The following TMBIM4 variants were observed in gnomAD, a reference collection of about 807,000 sequenced individuals.
The protein encoded by TMBIM4 is transmembrane BAX inhibitor motif containing 4, also known as protein lifeguard 4.
TMBIM4 carries 28 observed loss-of-function variants against 27.7 expected under a neutral mutation model. The observed-to-expected ratio is 1.01, with a 90% confidence interval of 0.75 to 1.38. The LOEUF (loss-of-function observed/expected upper bound fraction) is 1.38, where lower values mean the gene tolerates loss of function less well. TMBIM4 is among the 40% of genes most tolerant of loss of function. The pLI is 0.00. For missense variants in TMBIM4, 265 were observed against 277.5 expected, an observed-to-expected ratio of 0.95 and a Z score of 0.32; for synonymous variants, 115 against 113.1, an observed-to-expected ratio of 1.02 and a Z score of -0.11.
At chr12:66,155,335 TGAGA>T (rs71697123) in intron 1 of TMBIM4, among the ~76,000 whole-genome samples, 10,260 of 131,636 alleles carry the variant, frequency 0.078, 1,058 homozygotes, top group African/African-American at 0.23. Flanking sequence ...TGCACACGTG[TGAGA>T]GAGAGAGAGA....
chr12:66,136,889 C>T lies in TMBIM4; in HGVS notation c.*1071G>A, dbSNP rs181698637. 4.6e-5 allele frequency: 7 copies of T among 152,342 alleles called. No individual in the cohort carries two copies. Among genetic ancestry groups the T allele is most frequent in the African/African-American group, 1.7e-4 (7 of 41,578 alleles). The allele number at this position is 152,342 out of a possible 1,614,324, so 9.4% of individuals were successfully genotyped here. A position where few individuals can be genotyped will look rare whatever the true frequency, so the allele number is the denominator to read the frequency against. ...CAAAATTTCATTGGTTACTGGTACA[C>T]TGACCTAACATGCTGTGTGGACCAA... On this transcript the variant is annotated 3_prime_UTR_variant, in exon 7 of 7. Transcript: ENST00000358230.
chr12:66,157,372 A>G (rs1047064389), intron 1 of TMBIM4, among the ~76,000 whole-genome samples: 1 of 152,170 alleles, frequency 6.6e-6, no homozygotes, highest in African/African-American at 2.4e-5. Flanking sequence ...CTTCACCCCC[A>G]GTCAAGCCTC....
chr12:66,166,215 G>C (rs142587389), intron 1 of TMBIM4, among the ~76,000 whole-genome samples: 1 of 152,002 alleles, frequency 6.6e-6, no homozygotes, highest in African/African-American at 2.4e-5. Context: ...CTGTAATCCC[G>C]GCACTTTCGG....
At chr12:66,162,149 A>C (rs1031760559) in intron 1 of TMBIM4, among the ~76,000 whole-genome samples, 1 of 151,980 alleles carries the variant, frequency 6.6e-6, no homozygotes, top group Non-Finnish European at 1.5e-5. Context: ...CTCATCACAA[A>C]TTCTGTCTCC....
In TMBIM4 at chr12:66,169,860, C is replaced by T; in HGVS notation, c.92G>A (p.Arg31Gln). 4 of 1,512,196 alleles carry T rather than the reference C, an allele frequency of 2.6e-6. No homozygotes were observed. The highest frequency in any genetic ancestry group is 3.5e-6 in the Non-Finnish European group (4 of 1,130,252). The allele number at this position is 1,512,196 out of a possible 1,614,324, so 93.7% of individuals were successfully genotyped here. Reference sequence around the variant, plus strand: ...CTGGAGAGGGGACAACGTACCCATTCGGATGTGCACGGTGGCGGAGGCCAC... The same window carrying T: ...CTGGAGAGGGGACAACGTACCCATTTGGATGTGCACGGTGGCGGAGGCCAC... ...SSVASATVHI[R>Q]MAFLRKVYSI... Residue 31 changes from arginine to glutamine, a missense_variant, in exon 1 of 7, where the codon CGA becomes CAA. Arg to Gln is a conservative substitution (Grantham distance 43, BLOSUM62 1). Transcript: ENST00000358230.
chr12:66,161,825 C>T (rs1021270284), intron 1 of TMBIM4, among the ~76,000 whole-genome samples: 7 of 152,122 alleles, frequency 4.6e-5, no homozygotes, highest in African/African-American at 1.4e-4. Flanking sequence ...TTAGCTCATG[C>T]CTGTAATCAC....
intron 5 of TMBIM4, among the ~76,000 whole-genome samples, chr12:66,141,964 A>G (rs1384188339): frequency 6.6e-6 from 1 of 152,176 alleles, no homozygotes; most frequent in Non-Finnish European, 1.5e-5. Context: ...TAACATTATG[A>G]ACCAACTTTA....
intron 1 of TMBIM4, among the ~76,000 whole-genome samples, chr12:66,168,113 CGA>C (rs1189782625): frequency 1.3e-5 from 2 of 151,512 alleles, no homozygotes; most frequent in Admixed American, 1.3e-4. Flanking sequence ...CCCAACTACT[CGA>C]GAGGCTGAGG....
At position 66,138,705 on chromosome 12, in the gene TMBIM4, C is replaced by A; in HGVS notation, c.510+19G>T. 1 of 1,530,632 alleles carries A rather than the reference C, an allele frequency of 6.5e-7. No individual in the cohort carries two copies. The highest frequency in any genetic ancestry group is 8.8e-7 in the Non-Finnish European group (1 of 1,141,080). 94.8% of individuals were successfully genotyped at this position (1,530,632 alleles called of 1,614,324 possible). On this transcript the variant is annotated intron_variant, in intron 6 of 6. Coordinates refer to ENST00000358230, the MANE Select transcript of TMBIM4 (RefSeq NM_016056.4). The stretch of plus-strand genomic sequence containing the variant: ...CAGCCAGAATTATATTTCAAATTAA[C>A]CATTATAACATAACTTACCTTCAAG...
intron 5 of TMBIM4, among the ~76,000 whole-genome samples, chr12:66,143,484 A>C (rs921451167): frequency 5.9e-5 from 9 of 152,136 alleles, no homozygotes; most frequent in African/African-American, 2.2e-4. Context: ...CCTACTTTAA[A>C]CTTCCAGCAG....
intron 5 of TMBIM4, among the ~76,000 whole-genome samples, chr12:66,144,059 T>G (rs1003972450): frequency 6.6e-6 from 1 of 152,094 alleles, no homozygotes; most frequent in Non-Finnish European, 1.5e-5. Context: ...CCAAGAGCAG[T>G]AGTGAAGTGT....
chr12:66,160,385 A>C, intron 1 of TMBIM4: 1 of 581,068 alleles, frequency 1.7e-6, no homozygotes, highest in African/African-American at 1.9e-5. Flanking sequence ...TAGTAAAGTC[A>C]TAATGGAGAA....
chr12:66,145,138 G>A (rs1033060479), intron 5 of TMBIM4, among the ~76,000 whole-genome samples: 1 of 152,110 alleles, frequency 6.6e-6, no homozygotes, highest in Non-Finnish European at 1.5e-5. Context: ...GTCAGTGTTG[G>A]CTGACCAACT....
At chr12:66,167,856 CA>C (rs1229268156) in intron 1 of TMBIM4, among the ~76,000 whole-genome samples, 1 of 152,296 alleles carries the variant, frequency 6.6e-6, no homozygotes, top group Non-Finnish European at 1.5e-5. Flanking sequence ...AGAAGCAACA[CA>C]AATGTCCATC....
chr12:66,153,499 A>T (rs777409455), intron 1 of TMBIM4, 51 bp from the exon 2 acceptor site: 2 of 1,113,640 alleles, frequency 1.8e-6, no homozygotes, highest in African/African-American at 3.2e-5. Context: ...TTTATCATAG[A>T]ACAGTAAAAT....
chr12:66,158,510 G>GCA (rs2051983747), intron 1 of TMBIM4, among the ~76,000 whole-genome samples: 1 of 151,724 alleles, frequency 6.6e-6, no homozygotes, highest in Non-Finnish European at 1.5e-5. Flanking sequence ...GTGGTGGCAT[G>GCA]TGCCTGTAAT....
chr12:66,140,088 T>A (rs1018835664), intron 5 of TMBIM4, among the ~76,000 whole-genome samples: 38 of 152,084 alleles, frequency 2.5e-4, no homozygotes, highest in African/African-American at 9.2e-4. Context: ...GTAAAATTTA[T>A]AATGACCAGC....
In TMBIM4 at chr12:66,136,744, A is replaced by G. The variant is rs1030830788; in HGVS notation, c.*1216T>C. On this transcript the variant is annotated 3_prime_UTR_variant, in exon 7 of 7. Transcript: ENST00000358230. ...CTCAAAGGAAACCAACCCTGCTAAC[A>G]CCTTGATCTTGGACTTTTAGCCTCC... 1 of 152,152 alleles carries G rather than the reference A, an allele frequency of 6.6e-6. No individual in the cohort carries two copies. The highest frequency in any genetic ancestry group is 1.5e-5 in the Non-Finnish European group (1 of 68,040). 9.4% of individuals were successfully genotyped at this position (152,152 alleles called of 1,614,324 possible).
intron 1 of TMBIM4, among the ~76,000 whole-genome samples, chr12:66,167,677 G>A (rs1428537607): frequency 6.6e-6 from 1 of 152,130 alleles, no homozygotes; most frequent in East Asian, 1.9e-4. Flanking sequence ...AAATGATGTA[G>A]CCCCTATCAA....
Sources: allele counts gnomAD v4.1 joint callset (sites outside exome capture counted in the v4.1 genomes callset), GRCh38; gene constraint gnomAD v4.1.1; transcripts MANE v1.5; gene names NCBI Gene and HGNC (gene_info 2026-07-23, HGNC 2026-07-21).